Variants in DLGAP2 observed in about 807,000 individuals in gnomAD.
DLGAP2 encodes disks large-associated protein 2.
In DLGAP2, 26 loss-of-function variants were observed where a neutral mutation model predicts 100.3. The ratio of observed to expected loss-of-function variants is 0.26; its 90% CI spans 0.19 to 0.36. The LOEUF is 0.36. Among genes scored for constraint, DLGAP2 ranks in the 10% least tolerant of loss-of-function variants. The pLI is 1.00. For missense variants in DLGAP2, 1,858 were observed against 1,453.2 expected (o/e 1.28, Z -4.53); for synonymous variants, 886 against 630.1 (o/e 1.41, Z -6.08).
chr8:1,409,437 A>G (rs1206668284), intron 3 of DLGAP2, among the ~76,000 whole-genome samples: 1 of 152,234 alleles, frequency 6.6e-6, no homozygotes, highest in Non-Finnish European at 1.5e-5. Context: ...CTGAGAACCA[A>G]CCGGAAGAAA....
At chr8:1,060,587 C>T (rs536064606) in intron 2 of DLGAP2, among the ~76,000 whole-genome samples, 3 of 152,174 alleles carry the variant, frequency 2.0e-5, no homozygotes, top group African/African-American at 7.2e-5. Context: ...ATGACCTCAC[C>T]TCAAGGTCCT....
chr8:1,350,261 T>TGA (rs1563099070), intron 3 of DLGAP2, among the ~76,000 whole-genome samples: 4,151 of 72,708 alleles, frequency 0.057, 217 homozygotes, highest in Non-Finnish European at 0.075. Context: ...GTCCTGAGCA[T>TGA]GTGTGGAACG....
intron 3 of DLGAP2, among the ~76,000 whole-genome samples, chr8:1,452,600 A>G (rs1349187978): frequency 6.6e-6 from 1 of 152,178 alleles, no homozygotes; most frequent in African/African-American, 2.4e-5. Context: ...GGCAGGACAC[A>G]GGGAAGAGGA....
intron 8 of DLGAP2, among the ~76,000 whole-genome samples, chr8:1,636,852 T>G (rs188752278): frequency 6.6e-6 from 1 of 152,320 alleles, no homozygotes; most frequent in East Asian, 1.9e-4. Flanking sequence ...GAAAAGAAAC[T>G]GAAAATGGAT....
At chr8:1,060,857 TTGAGGAAGAGGAGG>T (rs1803059966) in intron 2 of DLGAP2, among the ~76,000 whole-genome samples, 1 of 152,170 alleles carries the variant, frequency 6.6e-6, no homozygotes, top group Non-Finnish European at 1.5e-5. Context: ...TGGGATGCTG[TTGAGGAAGAGGAGG>T]TGGGCTCTGC....
At chr8:979,343 C>A (rs952750287) in intron 2 of DLGAP2, among the ~76,000 whole-genome samples, 1 of 152,168 alleles carries the variant, frequency 6.6e-6, no homozygotes, top group African/African-American at 2.4e-5. Context: ...AGTGGATATC[C>A]ACCCCACAAG....
chr8:1,292,622 G>C (rs1800084051), intron 3 of DLGAP2, among the ~76,000 whole-genome samples: 1 of 152,136 alleles, frequency 6.6e-6, no homozygotes, highest in Non-Finnish European at 1.5e-5. Context: ...TGAGCAAAAA[G>C]ACAACACATA....
At chr8:1,275,752 A>G (rs543603362) in intron 3 of DLGAP2, among the ~76,000 whole-genome samples, 1 of 133,898 alleles carries the variant, frequency 7.5e-6, no homozygotes, top group African/African-American at 2.8e-5. Flanking sequence ...ATATATAAAT[A>G]AATATATAAA....
chr8:834,276 C>T (rs181453512), intron 1 of DLGAP2, among the ~76,000 whole-genome samples: 6 of 152,326 alleles, frequency 3.9e-5, no homozygotes, highest in African/African-American at 9.6e-5. Context: ...TGGGGCAGAG[C>T]CAGTCCTGTA....
intron 12 of DLGAP2, among the ~76,000 whole-genome samples, chr8:1,690,146 A>G (rs1030056515): frequency 2.0e-5 from 3 of 151,636 alleles, no homozygotes; most frequent in African/African-American, 7.3e-5. Context: ...ACCGGAGGTC[A>G]GGAGTTCGAG....
chr8:874,044 G>C (rs1438879650), intron 1 of DLGAP2, among the ~76,000 whole-genome samples: 1 of 151,928 alleles, frequency 6.6e-6, no homozygotes, highest in African/African-American at 2.4e-5. Context: ...ATTTATGTAA[G>C]GTCTGTGATG....
At chr8:1,305,781 G>A (rs1426884000) in intron 3 of DLGAP2, among the ~76,000 whole-genome samples, 1 of 152,158 alleles carries the variant, frequency 6.6e-6, no homozygotes, top group African/African-American at 2.4e-5. Flanking sequence ...ACATTCGAGA[G>A]CACTTGAGTA....
chr8:1,541,889 C>G (rs2019513), intron 4 of DLGAP2, among the ~76,000 whole-genome samples: 3 of 152,092 alleles, frequency 2.0e-5, no homozygotes, highest in Non-Finnish European at 2.9e-5. Context: ...TGTCTACTGA[C>G]TCCACAATCA....
chr8:842,334 A>G (rs12676253), intron 1 of DLGAP2, among the ~76,000 whole-genome samples: 29,789 of 152,162 alleles, frequency 0.2, 3,671 homozygotes, highest in Admixed American at 0.39. Context: ...CTGCGTATGC[A>G]ATGATTGGCT....
At chr8:1,466,117 A>G (rs1798619533) in intron 3 of DLGAP2, among the ~76,000 whole-genome samples, 1 of 152,138 alleles carries the variant, frequency 6.6e-6, no homozygotes, top group Non-Finnish European at 1.5e-5. Context: ...TAAATTAACC[A>G]TATTCGTGTT....
chr8:1,154,908 G>C (rs1261897244), intron 2 of DLGAP2, among the ~76,000 whole-genome samples: 1 of 152,170 alleles, frequency 6.6e-6, no homozygotes, highest in Non-Finnish European at 1.5e-5. Flanking sequence ...AGTGTCCTCG[G>C]CCTACAGGAA....
chr8:1,041,804 G>A (rs1438001208), intron 2 of DLGAP2, among the ~76,000 whole-genome samples: 2 of 151,690 alleles, frequency 1.3e-5, no homozygotes, highest in African/African-American at 4.8e-5. Flanking sequence ...GCCCCTTGTC[G>A]TGGGTGAGTG....
chr8:1,080,052 T>A (rs1231717578), intron 2 of DLGAP2, among the ~76,000 whole-genome samples: 1 of 152,228 alleles, frequency 6.6e-6, no homozygotes, highest in Non-Finnish European at 1.5e-5. Flanking sequence ...ATGGGTTTTG[T>A]CCTCAAGCGT....
chr8:1,516,672 T>A (rs1800402847), intron 4 of DLGAP2, among the ~76,000 whole-genome samples: 1 of 151,796 alleles, frequency 6.6e-6, no homozygotes, highest in African/African-American at 2.4e-5. Context: ...AGTGGGTGAC[T>A]GAGTGAAAGA....
Sources: gnomAD v4.1 joint callset for allele counts (sites outside exome capture counted in the v4.1 genomes callset) on GRCh38, gnomAD v4.1.1 for gene constraint, MANE v1.5 for transcripts, NCBI Gene and HGNC (gene_info 2026-07-23, HGNC 2026-07-21) for gene names.